The following SRGAP1 variants were observed in gnomAD, a reference collection of about 807,000 sequenced individuals.
The protein encoded by SRGAP1 is SLIT-ROBO Rho GTPase-activating protein 1.
In SRGAP1, 43 loss-of-function variants were observed where a neutral mutation model predicts 121.9. That is an observed-to-expected ratio of 0.35 (90% CI 0.28 to 0.46). The LOEUF (loss-of-function observed/expected upper bound fraction) is 0.46. Ranked by LOEUF, SRGAP1 falls within the 20% of genes least tolerant of loss-of-function variation. The pLI, the probability that SRGAP1 is intolerant of heterozygous loss-of-function variation, is 1.00. For missense variants in SRGAP1, 1,102 were observed against 1,350.9 expected (o/e 0.82, Z 2.89); for synonymous variants, 447 against 485.4 (o/e 0.92, Z 1.04).
intron 10 of SRGAP1, among the ~76,000 whole-genome samples, chr12:64,083,895 A>G (rs1302961192): frequency 6.6e-6 from 1 of 152,228 alleles, no homozygotes; most frequent in African/African-American, 2.4e-5. Flanking sequence ...AATTTAATAG[A>G]TTATCCTCAT....
intron 1 of SRGAP1, among the ~76,000 whole-genome samples, chr12:63,941,583 C>T (rs1445535950): frequency 6.6e-6 from 1 of 150,772 alleles, no homozygotes; most frequent in Admixed American, 6.6e-5. Flanking sequence ...TGTCTCTTAA[C>T]AGTAAAATGT....
Position 63,913,454 on chromosome 12 carries a change from C to CATAT in SRGAP1, c.67+68590_67+68593dup, listed in dbSNP as rs570506869. Among the ~76,000 whole-genome samples the CATAT allele has an allele frequency of 5.2e-4, 65 of 124,102 alleles. 1 individual carries two copies. The highest frequency in any genetic ancestry group is 1.0e-3 in the African/African-American group (34 of 33,616). The allele number at this position is 124,102 out of a possible 152,430, so 81.4% of individuals were successfully genotyped here. A position where few individuals can be genotyped will look rare whatever the true frequency, so the allele number is the denominator to read the frequency against. On this transcript the variant is annotated intron_variant, in intron 1 of 21. Coordinates refer to ENST00000355086, the MANE Select transcript of SRGAP1 (RefSeq NM_020762.4). ...TTATAGGCATGTGTCACTGTGTCCA[C>CATAT]ATATATATATATATATATATATGGA...
intron 8 of SRGAP1, among the ~76,000 whole-genome samples, chr12:64,077,643 G>T (rs2035761820): frequency 6.6e-6 from 1 of 151,720 alleles, no homozygotes; most frequent in Admixed American, 6.6e-5. Flanking sequence ...TGAATAAAAA[G>T]ACTACTAGGA....
At chr12:63,912,605 C>A (rs2030552477) in intron 1 of SRGAP1, among the ~76,000 whole-genome samples, 1 of 146,306 alleles carries the variant, frequency 6.8e-6, no homozygotes, top group African/African-American at 2.5e-5. Flanking sequence ...TGGAACAAGA[C>A]TCCATTTTAA....
rs530633356 is a variant in SRGAP1 at position 64,035,162 on chromosome 12, T to A, written c.490-7628T>A. ...CAGAGACATCCATTGTAGGTGTATG[T>A]TAAGGGCTGGCTTCTCATGCCTTTA... On this transcript the variant is annotated intron_variant, in intron 4 of 21. Transcript: ENST00000355086. Among the ~76,000 whole-genome samples, 273 of 152,222 alleles carry A rather than the reference T, an allele frequency of 1.8e-3. 2 individuals are homozygous for A. The highest frequency in any genetic ancestry group is 5.9e-3 in the African/African-American group (246 of 41,528).
intron 6 of SRGAP1, among the ~76,000 whole-genome samples, chr12:64,045,274 T>C (rs886639235): frequency 1.3e-5 from 2 of 152,134 alleles, no homozygotes; most frequent in Non-Finnish European, 2.9e-5. Flanking sequence ...TTTATTTTAG[T>C]TTTTTGAGTA....
intron 1 of SRGAP1, among the ~76,000 whole-genome samples, chr12:63,947,888 C>T (rs915489610): frequency 5.3e-5 from 8 of 152,156 alleles, no homozygotes; most frequent in Non-Finnish European, 1.0e-4. Flanking sequence ...CATTTATCGT[C>T]TTTTACCATT....
At chr12:63,860,671 C>A (rs1899413175) in intron 1 of SRGAP1, among the ~76,000 whole-genome samples, 2 of 152,070 alleles carry the variant, frequency 1.3e-5, no homozygotes, top group Admixed American at 6.6e-5. Flanking sequence ...TGTATATATT[C>A]TCTCTTTTTT....
chr12:64,014,347 C>T (rs1005855070), intron 3 of SRGAP1, among the ~76,000 whole-genome samples: 5 of 152,176 alleles, frequency 3.3e-5, no homozygotes, highest in African/African-American at 1.2e-4. Context: ...CACAGTCTGT[C>T]TGTGATGCCA....
At chr12:64,012,702 C>T (rs941965738) in intron 3 of SRGAP1, among the ~76,000 whole-genome samples, 2 of 151,420 alleles carry the variant, frequency 1.3e-5, no homozygotes, top group South Asian at 4.2e-4. Context: ...AGGTGTGCAC[C>T]ACCATGCCCA....
chr12:64,094,867 C>T, intron 12 of SRGAP1, 65 bp from the exon 13 acceptor site: 1 of 1,437,208 alleles, frequency 7.0e-7, no homozygotes, highest in Non-Finnish European at 9.8e-7. Flanking sequence ...AAACTCTAAG[C>T]CTTATTATTA....
rs1234698539 is a variant in SRGAP1 at position 64,149,150 on chromosome 12, T to A, written c.*6478T>A. ...TAGTATATGCAGATATCTTTAAACA[T>A]GGAGAAATGAATGGGGGGTGAGGGA... On this transcript the variant is annotated 3_prime_UTR_variant, in exon 22 of 22. Transcript: ENST00000355086. 6.6e-6 allele frequency: 1 copy of A among 152,176 alleles called. No individual in the cohort carries two copies. Among genetic ancestry groups the A allele is most frequent in the African/African-American group, 2.4e-5 (1 of 41,442 alleles). The allele number at this position is 152,176 out of a possible 1,614,324, so 9.4% of individuals were successfully genotyped here.
rs574892198 is a variant in SRGAP1 at position 63,882,515 on chromosome 12, C to T, written c.67+37632C>T. Among the ~76,000 whole-genome samples, 6 of 152,232 alleles carry T rather than the reference C, an allele frequency of 3.9e-5. No homozygotes were observed. The South Asian group carries it at 1.2e-3, about 32-fold the overall frequency. ...GCCAGGCTGGTCTCGAACTCCTGACCTCAGGTTATCCACCCGCCTCGGCCT... is the reference window on the plus strand; with the variant it reads ...GCCAGGCTGGTCTCGAACTCCTGACTTCAGGTTATCCACCCGCCTCGGCCT... On this transcript the variant is annotated intron_variant, in intron 1 of 21. Transcript: ENST00000355086.
chr12:64,137,961 A>AAAAAAAAATATAT (rs372355390), intron 21 of SRGAP1, among the ~76,000 whole-genome samples: 1 of 139,684 alleles, frequency 7.2e-6, no homozygotes, highest in African/African-American at 2.7e-5. Context: ...TTAAAAAAAA[A>AAAAAAAAATATAT]ATATATATAT....
chr12:64,118,710 C>CTTATTTATTTATTTATTTAT (rs377520467), intron 18 of SRGAP1, among the ~76,000 whole-genome samples: 15 of 150,348 alleles, frequency 1.0e-4, no homozygotes, highest in African/African-American at 3.7e-4. Context: ...TCTTTGGTGC[C>CTTATTTATTTATTTATTTAT]TTATTTATTT....
intron 1 of SRGAP1, among the ~76,000 whole-genome samples, chr12:63,895,169 A>G (rs934793908): frequency 2.3e-4 from 35 of 152,078 alleles, no homozygotes; most frequent in Non-Finnish European, 4.4e-5. Context: ...TGATCGCCAT[A>G]TTTTTCAAGA....
At chr12:63,963,158 A>G (rs2032693159) in intron 1 of SRGAP1, among the ~76,000 whole-genome samples, 1 of 152,228 alleles carries the variant, frequency 6.6e-6, no homozygotes, top group Non-Finnish European at 1.5e-5. Context: ...GCCACAGAGC[A>G]TAACTCCACA....
At chr12:63,949,136 T>TATATACATTCATATATGTATTTTCCATAC (rs1166766386) in intron 1 of SRGAP1, among the ~76,000 whole-genome samples, 4 of 146,752 alleles carry the variant, frequency 2.7e-5, no homozygotes, top group Non-Finnish European at 3.0e-5. Flanking sequence ...ATTTTCCATA[T>TATATACATTCATATATGTATTTTCCATAC]ATATACATTC....
rs943786158 is a variant in SRGAP1 at position 64,142,223 on chromosome 12, G to A, written c.2881-72G>A. ...GCTGGGCCGTTTACTTTGAAATTAA[G>A]TGTCTGGGTTTCTATACATTAGTAT... On this transcript the variant is annotated intron_variant, in intron 21 of 21. Transcript: ENST00000355086. 7.3e-6 allele frequency: 11 copies of A among 1,510,122 alleles called. No individual in the cohort carries two copies. The African/African-American group carries it at 1.1e-4, about 15-fold the overall frequency. 93.5% of individuals were successfully genotyped at this position (1,510,122 alleles called of 1,614,324 possible).
Sources: allele counts gnomAD v4.1 joint callset (sites outside exome capture counted in the v4.1 genomes callset), GRCh38; gene constraint gnomAD v4.1.1; transcripts MANE v1.5; gene names NCBI Gene and HGNC (gene_info 2026-07-23, HGNC 2026-07-21).